The following RBFOX1 variants were observed in gnomAD, a reference collection of about 807,000 sequenced individuals.
RBFOX1 encodes the protein RNA binding protein fox-1 homolog 1.
RBFOX1 carries 8 observed loss-of-function variants against 57.7 expected under a neutral mutation model. The observed-to-expected ratio is 0.14, with a 90% CI of 0.08 to 0.25. The LOEUF (loss-of-function observed/expected upper bound fraction) is 0.25. Among genes scored for constraint, RBFOX1 ranks in the 10% least tolerant of loss-of-function variants. The probability of loss-of-function intolerance (pLI) is 1.00; values close to 1 mark genes in which losing one functional copy is unlikely to be tolerated. For missense variants in RBFOX1, 611 were observed against 548.5 expected (o/e 1.11, Z -1.14); for synonymous variants, 326 against 222.4 (o/e 1.47, Z -4.15).
At chr16:7,283,062 C>G (rs1335175768) in intron 4 of RBFOX1, among the ~76,000 whole-genome samples, 1 of 152,132 alleles carries the variant, frequency 6.6e-6, no homozygotes, top group African/African-American at 2.4e-5. Context: ...TATAAATATG[C>G]ATGTGCAGGT....
chr16:5,526,508 C>G (rs571656724), intron 2 of RBFOX1, among the ~76,000 whole-genome samples: 153 of 152,226 alleles, frequency 1.0e-3, no homozygotes, highest in African/African-American at 3.4e-3. Context: ...AGGCTGGTCT[C>G]AAACTCCTGG....
chr16:6,930,629 T>C (rs1005801134), intron 3 of RBFOX1, among the ~76,000 whole-genome samples: 2 of 152,246 alleles, frequency 1.3e-5, no homozygotes, highest in African/African-American at 4.8e-5. Context: ...AGGCTGGTCT[T>C]GAGCTCCTCA....
intron 1 of RBFOX1, among the ~76,000 whole-genome samples, chr16:5,368,564 G>A (rs2065782226): frequency 6.6e-6 from 1 of 152,254 alleles, no homozygotes; most frequent in South Asian, 2.1e-4. Flanking sequence ...CTCTTGCTTA[G>A]CTTTTATTTC....
chr16:6,663,232 G>C (rs1467261993), intron 3 of RBFOX1, among the ~76,000 whole-genome samples: 5 of 152,124 alleles, frequency 3.3e-5, no homozygotes, highest in African/African-American at 4.8e-5. Context: ...ACAATGGATG[G>C]GTGTCATGAA....
intron 2 of RBFOX1, among the ~76,000 whole-genome samples, chr16:6,614,660 C>T (rs191191950): frequency 3.7e-4 from 56 of 152,278 alleles, no homozygotes; most frequent in African/African-American, 1.3e-3. Context: ...TCTTTCCTTA[C>T]TCCTAGTGAT....
chr16:6,480,610 C>A (rs1463047636), intron 2 of RBFOX1, among the ~76,000 whole-genome samples: 1 of 152,198 alleles, frequency 6.6e-6, no homozygotes, highest in East Asian at 1.9e-4. Flanking sequence ...AGTTGGCTAT[C>A]TTCTGTTTTG....
rs574339599 is a variant in RBFOX1 at position 7,021,294 on chromosome 16, C to T, written c.-15-30763C>T. On this transcript the variant is annotated intron_variant, in intron 3 of 15. Coordinates refer to ENST00000550418, the MANE Select transcript of RBFOX1 (RefSeq NM_018723.4). ...AGTCCTCTTGGTTTCATTTTATTTT[C>T]TCTCTCTCTCTATATATATATATTT... Among the ~76,000 whole-genome samples the T allele has an allele frequency of 8.2e-4, 120 of 147,212 alleles. 2 individuals are homozygous for T. The South Asian group carries it at 0.021, about 26-fold the overall frequency.
intron 3 of RBFOX1, among the ~76,000 whole-genome samples, chr16:5,700,294 T>C (rs896306132): frequency 6.7e-6 from 1 of 148,994 alleles, no homozygotes; most frequent in Non-Finnish European, 1.5e-5. Context: ...ACTTTGACAG[T>C]TTTTTTTTTG....
chr16:7,686,984 C>G (rs2076203636), intron 14 of RBFOX1, among the ~76,000 whole-genome samples: 1 of 152,044 alleles, frequency 6.6e-6, no homozygotes, highest in Admixed American at 6.6e-5. Flanking sequence ...TATCTTCTTT[C>G]TGTTTAAGCT....
intron 1 of RBFOX1, among the ~76,000 whole-genome samples, chr16:5,346,077 C>A (rs939360840): frequency 6.6e-6 from 1 of 152,162 alleles, no homozygotes; most frequent in Non-Finnish European, 1.5e-5. Flanking sequence ...TTCCAGCAGC[C>A]CACTACCTGG....
chr16:6,299,985 T>C (rs2078621539), intron 1 of RBFOX1, among the ~76,000 whole-genome samples: 1 of 152,200 alleles, frequency 6.6e-6, no homozygotes, highest in African/African-American at 2.4e-5. Flanking sequence ...CTAACTCACA[T>C]GTACAATGGG....
At chr16:5,996,843 G>C (rs575691615) in intron 4 of RBFOX1, among the ~76,000 whole-genome samples, 1 of 152,150 alleles carries the variant, frequency 6.6e-6, no homozygotes, top group African/African-American at 2.4e-5. Flanking sequence ...CCTCCAGGAA[G>C]CCAGAGGAAA....
intron 3 of RBFOX1, among the ~76,000 whole-genome samples, chr16:6,917,445 A>G (rs2073455212): frequency 6.6e-6 from 1 of 152,220 alleles, no homozygotes; most frequent in Non-Finnish European, 1.5e-5. Context: ...GATGTGTTTC[A>G]TTTGGGGAAT....
chr16:7,701,305 G>T (rs74011863), intron 14 of RBFOX1, among the ~76,000 whole-genome samples: 17 of 152,048 alleles, frequency 1.1e-4, no homozygotes, highest in South Asian at 4.1e-4. Context: ...GGTGGTGAGC[G>T]GGGTGGGGGG....
At chr16:5,540,215 C>A (rs375253616) in intron 2 of RBFOX1, among the ~76,000 whole-genome samples, 1 of 152,134 alleles carries the variant, frequency 6.6e-6, no homozygotes, top group African/African-American at 2.4e-5. Flanking sequence ...TTTGTTTATA[C>A]CTTTGAGCAT....
chr16:6,801,118 A>C (rs375980723), intron 3 of RBFOX1, among the ~76,000 whole-genome samples: 3 of 151,528 alleles, frequency 2.0e-5, no homozygotes, highest in Non-Finnish European at 4.4e-5. Flanking sequence ...GGATTGACCT[A>C]TTAAGCATTT....
intron 3 of RBFOX1, among the ~76,000 whole-genome samples, chr16:6,796,402 A>G (rs890771650): frequency 1.3e-5 from 2 of 152,128 alleles, no homozygotes; most frequent in Non-Finnish European, 2.9e-5. Flanking sequence ...AAGAAATAGC[A>G]AACTTGAGCC....
chr16:5,425,632 C>G (rs57143939), intron 1 of RBFOX1, among the ~76,000 whole-genome samples: 2 of 152,078 alleles, frequency 1.3e-5, no homozygotes, highest in Non-Finnish European at 2.9e-5. Context: ...TCTTTGAATA[C>G]GGGAAATAAG....
chr16:6,007,655 T>C (rs950235108), intron 4 of RBFOX1, among the ~76,000 whole-genome samples: 8 of 152,234 alleles, frequency 5.3e-5, no homozygotes, highest in African/African-American at 1.9e-4. Flanking sequence ...GTTTCCACTT[T>C]AGTTTGCGTA....
Sources: gnomAD v4.1 joint callset for allele counts (sites outside exome capture counted in the v4.1 genomes callset) on GRCh38, gnomAD v4.1.1 for gene constraint, MANE v1.5 for transcripts, NCBI Gene and HGNC (gene_info 2026-07-23, HGNC 2026-07-21) for gene names.